Variants in PRKCB observed in about 807,000 individuals in gnomAD.
PRKCB encodes the protein protein kinase C beta, also known as protein kinase C beta type.
Under a neutral mutation model 81.5 loss-of-function variants are expected in PRKCB, and 13 were observed. The ratio of observed to expected loss-of-function variants is 0.16; its 90% CI spans 0.10 to 0.25. PRKCB has a LOEUF of 0.25. Ranked by LOEUF, PRKCB falls within the 10% of genes least tolerant of loss-of-function variation. PRKCB has a pLI of 1.00. For missense variants in PRKCB, 509 were observed against 875.7 expected (o/e 0.58, Z 5.29); for synonymous variants, 335 against 321.4 (o/e 1.04, Z -0.45).
chr16:24,181,280 C>A (rs779535990), intron 13 of PRKCB, among the ~76,000 whole-genome samples: 1 of 152,176 alleles, frequency 6.6e-6, no homozygotes, highest in Non-Finnish European at 1.5e-5. Context: ...AAGAGCATAT[C>A]CCCTGGGCTG....
chr16:24,180,049 A>G (rs1434527567), intron 12 of PRKCB, among the ~76,000 whole-genome samples: 5 of 151,930 alleles, frequency 3.3e-5, no homozygotes, highest in African/African-American at 1.2e-4. Context: ...GGTTCAAGCT[A>G]TTCTCCTGCC....
At chr16:23,864,740 T>G (rs922103398) in intron 2 of PRKCB, among the ~76,000 whole-genome samples, 23 of 152,216 alleles carry the variant, frequency 1.5e-4, no homozygotes, top group Admixed American at 2.6e-4. Flanking sequence ...TTTGTTTTTT[T>G]TAAATTATTT....
chr16:23,849,442 A>C (rs1259131894), intron 2 of PRKCB, among the ~76,000 whole-genome samples: 2 of 152,288 alleles, frequency 1.3e-5, no homozygotes, highest in East Asian at 3.9e-4. Context: ...AAAGGTAGAG[A>C]CCATTCTTTA....
intron 10 of PRKCB, among the ~76,000 whole-genome samples, chr16:24,168,406 A>G (rs901490447): frequency 6.6e-6 from 1 of 152,170 alleles, no homozygotes; most frequent in African/African-American, 2.4e-5. Flanking sequence ...GTCACCTTTT[A>G]CGTTGTGACT....
At chr16:23,933,825 C>A (rs1964016555) in intron 2 of PRKCB, among the ~76,000 whole-genome samples, 1 of 124,590 alleles carries the variant, frequency 8.0e-6, no homozygotes, top group African/African-American at 3.3e-5. Context: ...CATCCATCTT[C>A]TGTTTGTCGA....
chr16:24,022,004 G>C (rs932634357), intron 3 of PRKCB, among the ~76,000 whole-genome samples: 3 of 152,152 alleles, frequency 2.0e-5, no homozygotes, highest in South Asian at 2.1e-4. Context: ...CTAATACCAG[G>C]CATGTGGAGA....
At chr16:24,090,906 A>T (rs772586683) in intron 5 of PRKCB, among the ~76,000 whole-genome samples, 10 of 152,094 alleles carry the variant, frequency 6.6e-5, no homozygotes, top group Non-Finnish European at 1.3e-4. Context: ...CTTTCTTCTA[A>T]TCTGTTTTTC....
intron 2 of PRKCB, among the ~76,000 whole-genome samples, chr16:23,854,115 C>T (rs1328168919): frequency 1.3e-5 from 2 of 151,502 alleles, no homozygotes; most frequent in Admixed American, 1.3e-4. Context: ...TCCGCCAGGT[C>T]CTTCTCATGA....
chr16:23,847,540 T>C (rs76026305), intron 2 of PRKCB, among the ~76,000 whole-genome samples: 2 of 30,958 alleles, frequency 6.5e-5, no homozygotes, highest in African/African-American at 2.1e-4. Context: ...ATTCTTCCAT[T>C]CATCCATCCA....
At chr16:23,980,798 A>AATATATATATATATATATATATAT (rs143162594) in intron 2 of PRKCB, among the ~76,000 whole-genome samples, 7 of 148,804 alleles carry the variant, frequency 4.7e-5, no homozygotes, top group African/African-American at 1.8e-4. Flanking sequence ...CTCCAAACAG[A>AATATATATATATATATATATATAT]ATATATATAT....
chr16:24,205,852 T>G (rs1210598013), intron 16 of PRKCB, among the ~76,000 whole-genome samples: 6 of 152,172 alleles, frequency 3.9e-5, no homozygotes, highest in Non-Finnish European at 4.4e-5. Context: ...ATATACCAGA[T>G]TTTATTTCTG....
At chr16:23,883,792 C>T (rs1409759676) in intron 2 of PRKCB, among the ~76,000 whole-genome samples, 1 of 152,122 alleles carries the variant, frequency 6.6e-6, no homozygotes, top group Non-Finnish European at 1.5e-5. Context: ...CTTTGAACTT[C>T]GTAGCAATCC....
At chr16:23,893,368 C>G (rs1360739838) in intron 2 of PRKCB, 1 of 152,226 alleles carries the variant, frequency 6.6e-6, no homozygotes, top group Non-Finnish European at 1.5e-5. Flanking sequence ...TGCTGCCAAG[C>G]ACCATGCTTA....
At chr16:24,001,632 G>A (rs528284702) in intron 3 of PRKCB, among the ~76,000 whole-genome samples, 25 of 152,098 alleles carry the variant, frequency 1.6e-4, no homozygotes, top group Non-Finnish European at 2.9e-4. Flanking sequence ...GCAAATAACC[G>A]AGAAAGAAAT....
At chr16:24,008,583 T>G (rs754386325) in intron 3 of PRKCB, among the ~76,000 whole-genome samples, 10 of 152,148 alleles carry the variant, frequency 6.6e-5, no homozygotes, top group Non-Finnish European at 1.5e-4. Flanking sequence ...AGCCCTTCTT[T>G]GCTCCTTCTA....
rs567839937 is a variant in PRKCB, at chr16:23,850,047, A to G, written c.205+12641A>G. 1.6e-4 allele frequency among the ~76,000 whole-genome samples: 25 copies of G among 152,248 alleles called. No homozygotes were observed. In the East Asian group the frequency reaches 4.8e-3, roughly 29 times the overall value. ...TGACTACGACTTTATTAGATTCCAC[A>G]TATACGTGAGATCATGCTGTATTTG... On this transcript the variant is annotated intron_variant, in intron 2 of 16. Transcript: ENST00000643927.
chr16:23,995,187 G>A (rs1211842051), intron 3 of PRKCB, among the ~76,000 whole-genome samples: 1 of 152,148 alleles, frequency 6.6e-6, no homozygotes, highest in Non-Finnish European at 1.5e-5. Flanking sequence ...GGCCTACTGG[G>A]CCTACTTGGA....
chr16:24,060,604 G>A (rs1411133984), intron 5 of PRKCB, among the ~76,000 whole-genome samples: 1 of 152,206 alleles, frequency 6.6e-6, no homozygotes, highest in East Asian at 1.9e-4. Flanking sequence ...CACGGCTTCA[G>A]TATTTCCGTA....
At chr16:24,017,524 G>A (rs1260987017) in intron 3 of PRKCB, among the ~76,000 whole-genome samples, 1 of 151,628 alleles carries the variant, frequency 6.6e-6, no homozygotes, top group African/African-American at 2.4e-5. Flanking sequence ...ACACAGACAC[G>A]CACATGCGTT....
Sources: allele counts gnomAD v4.1 joint callset (sites outside exome capture counted in the v4.1 genomes callset), GRCh38; gene constraint gnomAD v4.1.1; transcripts MANE v1.5; gene names NCBI Gene and HGNC (gene_info 2026-07-23, HGNC 2026-07-21).